Variants in XPO4 observed in about 807,000 individuals in gnomAD.
XPO4 encodes the protein exportin 4.
In XPO4, 39 loss-of-function variants were observed where a neutral mutation model predicts 143.0. That is an observed-to-expected ratio of 0.27 (90% confidence interval 0.21 to 0.36). The LOEUF (loss-of-function observed/expected upper bound fraction) is 0.36. XPO4 is among the 10% of genes least tolerant of loss of function. The pLI is 1.00. For missense variants in XPO4, 907 were observed against 1,348.0 expected (o/e 0.67, Z 5.12); for synonymous variants, 439 against 474.0 (o/e 0.93, Z 0.96).
intron 1 of XPO4, among the ~76,000 whole-genome samples, chr13:20,896,807 T>C (rs1470385761): frequency 6.6e-6 from 1 of 152,212 alleles, no homozygotes; most frequent in Non-Finnish European, 1.5e-5. Flanking sequence ...GATATCATCA[T>C]TTAATACATG....
chr13:20,814,988 A>T (rs1470455576), intron 9 of XPO4, among the ~76,000 whole-genome samples: 2 of 152,234 alleles, frequency 1.3e-5, no homozygotes, highest in Non-Finnish European at 2.9e-5. Flanking sequence ...AAATGCTGTC[A>T]AATGAAGCTT....
At chr13:20,800,085 C>T in intron 15 of XPO4, 71 bp downstream of exon 15, 2 of 1,560,806 alleles carry the variant, frequency 1.3e-6, no homozygotes, top group South Asian at 2.4e-5. Context: ...CAAAGGACTA[C>T]ACTAAGAAGT....
At chr13:20,809,371 A>G (rs2059548273) in intron 10 of XPO4, 146 bp from the exon 11 acceptor site, 2 of 974,982 alleles carry the variant, frequency 2.1e-6, no homozygotes, top group Non-Finnish European at 1.5e-6. Context: ...ACAGCTATCT[A>G]GGAACTCCCT....
intron 1 of XPO4, among the ~76,000 whole-genome samples, chr13:20,880,245 A>G (rs1289375383): frequency 6.6e-6 from 1 of 152,080 alleles, no homozygotes; most frequent in Non-Finnish European, 1.5e-5. Flanking sequence ...CAGCCTGGCC[A>G]AGATGGTGAA....
intron 2 of XPO4, among the ~76,000 whole-genome samples, chr13:20,867,358 G>A (rs759616829): frequency 8.5e-5 from 13 of 152,090 alleles, no homozygotes; most frequent in East Asian, 1.9e-4. Context: ...TTTTAAAGCC[G>A]ATTACATTTT....
Position 20,855,603 on chromosome 13 carries a change from T to A in XPO4, c.456+24A>T, listed in dbSNP as rs2060136304. 8 of 1,516,128 alleles carry A rather than the reference T, an allele frequency of 5.3e-6. 1 individual carries two copies. Among genetic ancestry groups the A allele is most frequent in the Non-Finnish European group, 7.0e-6 (8 of 1,139,914 alleles). The allele number at this position is 1,516,128 out of a possible 1,614,324, so 93.9% of individuals were successfully genotyped here. A position where few individuals can be genotyped will look rare whatever the true frequency, so the allele number is the denominator to read the frequency against. On this transcript the variant is annotated intron_variant, in intron 4 of 22. Transcript: ENST00000255305. ...ACAGAAAATATAAATTGTTAATATT[T>A]ATAAATACAAATAGCACACTTACCA...
At chr13:20,891,009 T>C (rs1486537942) in intron 1 of XPO4, among the ~76,000 whole-genome samples, 2 of 148,634 alleles carry the variant, frequency 1.3e-5, no homozygotes, top group African/African-American at 2.5e-5. Context: ...CCCAGCTACT[T>C]GGGAGGGTGA....
chr13:20,795,590 T>C (rs1201644450), intron 18 of XPO4, among the ~76,000 whole-genome samples: 1 of 152,166 alleles, frequency 6.6e-6, no homozygotes, highest in Non-Finnish European at 1.5e-5. Flanking sequence ...AACAGGGCTT[T>C]CCAAGCCACA....
chr13:20,826,893 T>A (rs955743352), intron 7 of XPO4, among the ~76,000 whole-genome samples, 174 bp downstream of exon 7: 1 of 152,250 alleles, frequency 6.6e-6, no homozygotes, highest in East Asian at 1.9e-4. Context: ...CCATGTGACA[T>A]TTTTATAAAT....
intron 6 of XPO4, among the ~76,000 whole-genome samples, chr13:20,828,429 G>A (rs912485937): frequency 3.3e-5 from 5 of 152,204 alleles, no homozygotes; most frequent in African/African-American, 1.2e-4. Flanking sequence ...AGTCTAAATC[G>A]TTATTTTTAC....
chr13:20,900,417 TCA>T (rs902706989), intron 1 of XPO4, among the ~76,000 whole-genome samples: 1 of 151,882 alleles, frequency 6.6e-6, no homozygotes, highest in Non-Finnish European at 1.5e-5. Flanking sequence ...AATACCTACC[TCA>T]CAGAGTTACT....
intron 1 of XPO4, among the ~76,000 whole-genome samples, chr13:20,883,267 GGAGA>G (rs371362781): frequency 1.3e-4 from 20 of 152,280 alleles, no homozygotes; most frequent in African/African-American, 4.8e-4. Context: ...CAATGGGTGA[GGAGA>G]AAGAAAGGAA....
chr13:20,854,613 GT>G (rs2060123833), intron 4 of XPO4, among the ~76,000 whole-genome samples: 1 of 152,166 alleles, frequency 6.6e-6, no homozygotes, highest in African/African-American at 2.4e-5. Context: ...GAATGGCCAA[GT>G]ATTACCAATC....
intron 2 of XPO4, among the ~76,000 whole-genome samples, chr13:20,866,775 A>G (rs748147354): frequency 1.3e-5 from 2 of 152,236 alleles, no homozygotes; most frequent in African/African-American, 2.4e-5. Flanking sequence ...AAACAAGCTC[A>G]ATCATAACAA....
intron 4 of XPO4, among the ~76,000 whole-genome samples, chr13:20,853,448 G>A (rs1026840233): frequency 1.3e-5 from 2 of 151,886 alleles, no homozygotes; most frequent in Non-Finnish European, 2.9e-5. Context: ...CCAGGAGACT[G>A]AGGCTGAAGT....
chr13:20,801,965 C>T (rs535106613), intron 13 of XPO4, among the ~76,000 whole-genome samples: 7 of 152,292 alleles, frequency 4.6e-5, no homozygotes, highest in Admixed American at 1.3e-4. Flanking sequence ...TAGCCATCTG[C>T]TTCCTCTTTC....
At chr13:20,841,875 T>A (rs930201921) in intron 6 of XPO4, among the ~76,000 whole-genome samples, 3 of 151,634 alleles carry the variant, frequency 2.0e-5, no homozygotes, top group African/African-American at 7.3e-5. Context: ...TGTCTGCTTA[T>A]CATCAGTCTT....
In XPO4 at chr13:20,801,776, GATTCTA is replaced by G. The variant is rs780971468; in HGVS notation, c.1818-792_1818-787del. 9.1e-4 allele frequency among the ~76,000 whole-genome samples: 138 copies of G among 152,318 alleles called. 1 individual carries two copies. Among genetic ancestry groups the G allele is most frequent in the Non-Finnish European group, 1.4e-3 (93 of 68,016 alleles). On this transcript the variant is annotated intron_variant, in intron 13 of 22. Coordinates refer to ENST00000255305, the MANE Select transcript of XPO4 (RefSeq NM_022459.5). Reference sequence around the variant, plus strand: ...TAATGAATATCAGTGCTGAGAAAAGGATTCTAATCACTCAAATTCGGCTTATGCTCC... The same window carrying G: ...TAATGAATATCAGTGCTGAGAAAAGGATCACTCAAATTCGGCTTATGCTCC...
chr13:20,807,794 T>C (rs1268364123), intron 12 of XPO4, among the ~76,000 whole-genome samples, 160 bp from the exon 13 acceptor site: 1 of 152,168 alleles, frequency 6.6e-6, no homozygotes, highest in East Asian at 1.9e-4. Flanking sequence ...AAACTTTCTA[T>C]GTCTCAGATA....
Sources: gnomAD v4.1 joint callset for allele counts (sites outside exome capture counted in the v4.1 genomes callset) on GRCh38, gnomAD v4.1.1 for gene constraint, MANE v1.5 for transcripts, NCBI Gene and HGNC (gene_info 2026-07-23, HGNC 2026-07-21) for gene names.